TRDN: variants seen among roughly 807,000 people sequenced by gnomAD.
TRDN encodes triadin, also known as triadin in skeletal muscle.
In TRDN, 161 loss-of-function variants were observed where a neutral mutation model predicts 149.7. The observed-to-expected ratio is 1.08, with a 90% CI of 0.95 to 1.23. TRDN has a LOEUF of 1.23. Among genes scored for constraint, TRDN ranks in the 50% most tolerant of loss-of-function variants. The pLI, the probability that TRDN is intolerant of heterozygous loss-of-function variation, is 0.00. For missense variants in TRDN, 896 were observed against 823.5 expected (o/e 1.09, Z -1.08); for synonymous variants, 294 against 250.5 (o/e 1.17, Z -1.64).
chr6:123,558,650 C>T (rs1360940577), intron 2 of TRDN, among the ~76,000 whole-genome samples: 4 of 152,136 alleles, frequency 2.6e-5, no homozygotes, highest in East Asian at 1.9e-4. Flanking sequence ...CATTTTATTA[C>T]CCAATCTGCT....
intron 9 of TRDN, among the ~76,000 whole-genome samples, chr6:123,488,352 C>T (rs1003086687): frequency 1.3e-5 from 2 of 152,094 alleles, no homozygotes; most frequent in Non-Finnish European, 2.9e-5. Context: ...TCACATACTT[C>T]CCTTTTGCAG....
chr6:123,509,283 A>G (rs912688368), intron 7 of TRDN, among the ~76,000 whole-genome samples: 4 of 151,976 alleles, frequency 2.6e-5, no homozygotes, highest in Admixed American at 6.6e-5. Flanking sequence ...GTGACTCCCA[A>G]CTTGTGGCAT....
intron 19 of TRDN, among the ~76,000 whole-genome samples, chr6:123,370,853 A>T (rs1035747685): frequency 2.7e-5 from 4 of 149,318 alleles, no homozygotes; most frequent in African/African-American, 9.8e-5. Context: ...TCTTTTTTTA[A>T]TGCAGTCTTA....
At chr6:123,544,355 A>G (rs139475561) in intron 4 of TRDN, among the ~76,000 whole-genome samples, 1 of 152,094 alleles carries the variant, frequency 6.6e-6, no homozygotes, top group African/African-American at 2.4e-5. Flanking sequence ...TGAATACCAC[A>G]AAGAACCAAC....
chr6:123,529,377 T>C (rs1780112469), intron 5 of TRDN: 1 of 1,543,482 alleles, frequency 6.5e-7, no homozygotes, highest in Non-Finnish European at 8.8e-7. Context: ...TATAAATAGG[T>C]TTCAACTGAG....
intron 37 of TRDN, among the ~76,000 whole-genome samples, chr6:123,254,140 T>C (rs551427040): frequency 6.6e-6 from 1 of 152,098 alleles, no homozygotes; most frequent in Admixed American, 6.6e-5. Flanking sequence ...AATTAATTTA[T>C]TTTTTTCTCA....
chr6:123,325,092 C>A (rs1374189028), intron 23 of TRDN, among the ~76,000 whole-genome samples: 2 of 151,694 alleles, frequency 1.3e-5, no homozygotes, highest in African/African-American at 4.8e-5. Flanking sequence ...AAAATTATTA[C>A]AAAGACAAAA....
At chr6:123,429,763 T>G (rs1774257492) in intron 12 of TRDN, among the ~76,000 whole-genome samples, 1 of 152,212 alleles carries the variant, frequency 6.6e-6, no homozygotes, top group Non-Finnish European at 1.5e-5. Context: ...ACTGTATAAT[T>G]ACATTATTTT....
intron 23 of TRDN, among the ~76,000 whole-genome samples, chr6:123,324,769 T>C (rs1026662230): frequency 1.8e-4 from 28 of 152,220 alleles, no homozygotes; most frequent in African/African-American, 6.0e-4. Flanking sequence ...TACTTTTGTA[T>C]AGCTAATGCT....
rs954690773 is a variant in TRDN, at chr6:123,275,755, G to C, written c.1568-1085C>G. Among the ~76,000 whole-genome samples, 4 of 152,206 alleles carry C rather than the reference G, an allele frequency of 2.6e-5. No homozygotes were observed. In the East Asian group the frequency reaches 7.7e-4, roughly 29 times the overall value. ...TATTGGCAGAAATATTGACATTAAA[G>C]GTTATTCTGATGAGGGCTCAGAAAG... On this transcript the variant is annotated intron_variant, in intron 26 of 40. Coordinates refer to ENST00000334268, the MANE Select transcript of TRDN (RefSeq NM_006073.4).
intron 4 of TRDN, among the ~76,000 whole-genome samples, chr6:123,533,922 A>C (rs1441891349): frequency 6.6e-6 from 1 of 152,160 alleles, no homozygotes; most frequent in East Asian, 1.9e-4. Flanking sequence ...ATTTCAGAGC[A>C]GTTATTTTTT....
At chr6:123,288,495 T>A (rs1462697736) in intron 24 of TRDN, among the ~76,000 whole-genome samples, 1 of 152,010 alleles carries the variant, frequency 6.6e-6, no homozygotes, top group Non-Finnish European at 1.5e-5. Flanking sequence ...GATAAAGGGC[T>A]AAAAGCAAAG....
At chr6:123,499,462 C>G (rs9375258) in intron 8 of TRDN, among the ~76,000 whole-genome samples, 125,865 of 150,894 alleles carry the variant, frequency 0.83, 52,727 homozygotes, top group East Asian at 0.98. Flanking sequence ...CCAGAACTTT[C>G]GGAGGCTGAG....
intron 4 of TRDN, among the ~76,000 whole-genome samples, chr6:123,539,861 C>T (rs1033740271): frequency 6.6e-6 from 1 of 152,158 alleles, no homozygotes; most frequent in Non-Finnish European, 1.5e-5. Flanking sequence ...TATAGCATTA[C>T]TCTTTTGGGT....
chr6:123,309,318 A>T (rs1582850794), intron 24 of TRDN, among the ~76,000 whole-genome samples: 1 of 151,088 alleles, frequency 6.6e-6, no homozygotes, highest in Admixed American at 6.6e-5. Flanking sequence ...TCCTCTCCTC[A>T]CCTCTCCCAC....
At chr6:123,267,450 T>C (rs1397025974) in intron 32 of TRDN, among the ~76,000 whole-genome samples, 2 of 152,084 alleles carry the variant, frequency 1.3e-5, no homozygotes, top group African/African-American at 4.8e-5. Flanking sequence ...ACTGAATATT[T>C]TGGAAGGAAC....
chr6:123,383,269 A>G (rs1027547296), intron 14 of TRDN, among the ~76,000 whole-genome samples: 1 of 152,098 alleles, frequency 6.6e-6, no homozygotes, highest in Non-Finnish European at 1.5e-5. Context: ...TTATGTAACA[A>G]TAATAATCAG....
intron 12 of TRDN, among the ~76,000 whole-genome samples, chr6:123,434,251 A>G (rs2114581303): frequency 6.6e-6 from 1 of 152,348 alleles, no homozygotes; most frequent in East Asian, 1.9e-4. Context: ...AGCCTCTTTC[A>G]ACTTCCATTT....
chr6:123,566,447 T>G (rs1334154381), intron 2 of TRDN, among the ~76,000 whole-genome samples: 1 of 152,234 alleles, frequency 6.6e-6, no homozygotes, highest in African/African-American at 2.4e-5. Flanking sequence ...TAGGGGGAAT[T>G]GTAAAGGTTG....
Sources: gnomAD v4.1 joint callset for allele counts (sites outside exome capture counted in the v4.1 genomes callset) on GRCh38, gnomAD v4.1.1 for gene constraint, MANE v1.5 for transcripts, NCBI Gene and HGNC (gene_info 2026-07-23, HGNC 2026-07-21) for gene names.